MAMDC4: variants seen among roughly 807,000 people sequenced by gnomAD.
The protein encoded by MAMDC4 is apical endosomal glycoprotein.
Under a neutral mutation model 153.3 loss-of-function variants are expected in MAMDC4, and 168 were observed. That is an observed-to-expected ratio of 1.10 (90% confidence interval 0.97 to 1.25). The LOEUF (loss-of-function observed/expected upper bound fraction) is 1.25. MAMDC4 is among the 50% of genes most tolerant of loss of function. The pLI is 0.00. For synonymous variants in MAMDC4, 744 were observed against 651.5 expected (o/e 1.14, Z -2.16); for missense variants, 1,701 against 1,542.8 (o/e 1.10, Z -1.72).
At chr9:136,853,971 C>G in intron 5 of MAMDC4, 21 bp from the exon 6 acceptor site, 1 of 1,612,914 alleles carries the variant, frequency 6.2e-7, no homozygotes, top group Non-Finnish European at 8.5e-7. Context: ...GACTTAGGTC[C>G]TAAGAGCCTG....
At position 136,855,784 on chromosome 9, in the gene MAMDC4, G is replaced by C. The variant is rs111834903; in HGVS notation, c.1524G>C (p.Val508=). The change falls in exon 13 of 27, where the codon GTG becomes GTC. Residue 508 remains valine (V), a synonymous_variant. Coordinates refer to ENST00000317446, the MANE Select transcript of MAMDC4 (RefSeq NM_206920.3). ...CTGGGGGCTGGGAGGACGCCAGCGT[G>C]GGGCGGCTGCAGTGGCGGCGTGTCT... ...PEAGGWEDAS[V]GRLQWRRVSA... 1 of 1,558,972 alleles carries C rather than the reference G, an allele frequency of 6.4e-7. No homozygotes were observed. The highest frequency in any genetic ancestry group is 1.4e-5 in the African/African-American group (1 of 73,804).
Position 136,855,459 on chromosome 9 carries a change from T to C in MAMDC4, c.1311T>C (p.Pro437=), listed in dbSNP as rs769931305. 1 of 1,609,044 alleles carries C rather than the reference T, an allele frequency of 6.2e-7. No homozygotes were observed. The highest frequency in any genetic ancestry group is 8.5e-7 in the Non-Finnish European group (1 of 1,178,350). The change falls in exon 12 of 27, where the codon CCT becomes CCC. Residue 437 remains proline (P), a synonymous_variant. Coordinates refer to ENST00000317446, the MANE Select transcript of MAMDC4 (RefSeq NM_206920.3). ...TGTCCACCCTGCAGCCGCTGCCTCC[T>C]GGGCCCCGGGCCCCAGCCCCCCAGC... ...SEVSTLQPLP[P]GPRAPAPQPL... is the part of the protein sequence containing the mutation.
intron 16 of MAMDC4, 23 bp downstream of exon 16, chr9:136,857,064 C>A: frequency 1.2e-6 from 2 of 1,605,648 alleles, no homozygotes; most frequent in Non-Finnish European, 1.7e-6. Context: ...GGAAACAGGG[C>A]AGAGCCTGTG....
chr9:136,853,500 C>A (rs762417065), intron 3 of MAMDC4, 42 bp downstream of exon 3: 7 of 1,611,824 alleles, frequency 4.3e-6, no homozygotes, highest in Non-Finnish European at 5.9e-6. Flanking sequence ...GTCCCAATAC[C>A]CTCCTTGCTC....
At chr9:136,857,622 T>C in intron 18 of MAMDC4, 36 bp downstream of exon 18, 1 of 1,612,326 alleles carries the variant, frequency 6.2e-7, no homozygotes, top group Non-Finnish European at 8.5e-7. Context: ...ATTGAGGGGC[T>C]GGCCAGGGGC....
chr9:136,859,705 A>AG, intron 25 of MAMDC4, 181 bp from the exon 26 acceptor site: 1 of 638,592 alleles, frequency 1.6e-6, no homozygotes, highest in Non-Finnish European at 2.7e-6. Context: ...GTCTGCAGAC[A>AG]GCAGCTGCCT....
Position 136,858,000 on chromosome 9 carries a change from A to G in MAMDC4, c.2486A>G (p.Glu829Gly). Reference protein sequence around the residue: ...RSPGTLRVYLEERGRHQVLSL... With the variant: ...RSPGTLRVYLGERGRHQVLSL... The stretch of plus-strand genomic sequence containing the variant: ...GCAGGCACCCTGCGGGTCTACCTGG[A>G]GGAGCGCGGGAGGCACCAGGTGCTC... Residue 829 changes from glutamate (E) to glycine (G), a missense_variant, in exon 20 of 27, where the codon GAG (glutamate) becomes GGG (glycine). Glu to Gly is a moderately conservative substitution (Grantham distance 98). Coordinates refer to ENST00000317446, the MANE Select transcript of MAMDC4 (RefSeq NM_206920.3). The G allele has an allele frequency of 1.3e-6, 2 of 1,521,736 alleles. No homozygotes were observed. Among genetic ancestry groups the G allele is most frequent in the Non-Finnish European group, 1.8e-6 (2 of 1,138,640 alleles). 94.3% of individuals were successfully genotyped at this position (1,521,736 alleles called of 1,614,324 possible).
chr9:136,860,033 C>T lies in MAMDC4; in HGVS notation c.3341C>T (p.Ala1114Val), dbSNP rs1341654360. The T allele has an allele frequency of 1.2e-6, 2 of 1,602,776 alleles. No homozygotes were observed. Among genetic ancestry groups the T allele is most frequent in the African/African-American group, 1.3e-5 (1 of 74,778 alleles). ...CPFQSNTEAT[A>V]PGFDNILFNA... is the part of the protein sequence containing the mutation. ...TTCCAGAGCAACACAGAGGCCACAG[C>T]CCCTGGCTTTGACAACATCCTTTTC... The change falls in exon 26 of 27, where the codon GCC (alanine) becomes GTC (valine). Residue 1114 changes from alanine to valine, a missense_variant. Coordinates refer to ENST00000317446, the MANE Select transcript of MAMDC4 (RefSeq NM_206920.3).
rs1848953270 is a variant in MAMDC4, at chr9:136,853,279, T to A, written c.155-6T>A. Reference sequence around the variant, plus strand: ...CTGGCACACACCTGACCACCCACTCTCCCAGGTTACCACGGGGCCTCGCCC... The same window carrying A: ...CTGGCACACACCTGACCACCCACTCACCCAGGTTACCACGGGGCCTCGCCC... On this transcript the variant is annotated splice_region_variant and splice_polypyrimidine_tract_variant and intron_variant, in intron 2 of 26. Coordinates refer to ENST00000317446, the MANE Select transcript of MAMDC4 (RefSeq NM_206920.3). The A allele has an allele frequency of 1.2e-6, 2 of 1,604,782 alleles. No homozygotes were observed. The highest frequency in any genetic ancestry group is 4.5e-5 in the East Asian group (2 of 44,644).
rs140616288 is a variant in MAMDC4 at position 136,854,870 on chromosome 9, C to G, written c.1023+20C>G. 90 of 1,612,688 alleles carry G rather than the reference C, an allele frequency of 5.6e-5. No individual in the cohort carries two copies. The highest frequency in any genetic ancestry group is 2.0e-4 in the Admixed American group (12 of 60,032). Reference sequence around the variant, plus strand: ...TGCTCGGTGAGATGGGTGGGGCTCACAGGGCCTCCCTGCTCTCCGTGCTGG... The same window carrying G: ...TGCTCGGTGAGATGGGTGGGGCTCAGAGGGCCTCCCTGCTCTCCGTGCTGG... On this transcript the variant is annotated intron_variant, in intron 9 of 26. Coordinates refer to ENST00000317446, the MANE Select transcript of MAMDC4 (RefSeq NM_206920.3).
chr9:136,857,006 T>TACCACCAG lies in MAMDC4; in HGVS notation c.1937_1938insACCACCAG (p.Ser647ProfsTer19). The stretch of plus-strand genomic sequence containing the variant: ...GTGCCAGCAGCACCCACGGAGTGTC[T>TACCACCAG]CAGCTTCTGGTACCACCTCCATGGG... On this transcript the variant is annotated frameshift_variant, in exon 16 of 27. Coordinates refer to ENST00000317446, the MANE Select transcript of MAMDC4 (RefSeq NM_206920.3). LOFTEE classifies it high-confidence loss of function. 6.2e-7 allele frequency: 1 copy of TACCACCAG among 1,612,328 alleles called. No homozygotes were observed. Among genetic ancestry groups the TACCACCAG allele is most frequent in the South Asian group, 1.1e-5 (1 of 91,030 alleles).
At position 136,858,479 on chromosome 9, in the gene MAMDC4, G is replaced by C; in HGVS notation, c.2754G>C (p.Trp918Cys). 1 of 1,608,970 alleles carries C rather than the reference G, an allele frequency of 6.2e-7. No individual in the cohort carries two copies. Among genetic ancestry groups the C allele is most frequent in the Non-Finnish European group, 8.5e-7 (1 of 1,179,320 alleles). The change falls in exon 22 of 27, where the codon TGG becomes TGC. Residue 918 changes from tryptophan (W) to cysteine (C), a missense_variant. Transcript: ENST00000317446. Reference protein sequence around the residue: ...WPGLGGYSWDWGGGATPSRYP... With the variant: ...WPGLGGYSWDCGGGATPSRYP... ...GCCTGGGCGGATACAGCTGGGACTGGGGCGGGGGAGCCACCCCCTCTCGTT... is the reference window on the plus strand; with the variant it reads ...GCCTGGGCGGATACAGCTGGGACTGCGGCGGGGGAGCCACCCCCTCTCGTT...
chr9:136,853,784 T>G lies in MAMDC4; in HGVS notation c.462T>G (p.Ala154=). The G allele has an allele frequency of 6.2e-7, 1 of 1,609,968 alleles. No homozygotes were observed. Among genetic ancestry groups the G allele is most frequent in the Non-Finnish European group, 8.5e-7 (1 of 1,178,388 alleles). The change falls in exon 5 of 27, where the codon GCT becomes GCG. Residue 154 remains alanine, a synonymous_variant. Transcript: ENST00000317446. ...GGACCCCTGACATTGCAGATGTGGC[T>G]GAACTGCGGGTGGAGCTGACCCATG... ...LWYHAASGDV[A]ELRVELTHGA...
chr9:136,852,655 G>A lies in MAMDC4; in HGVS notation c.46+193G>A, dbSNP rs144964443. On this transcript the variant is annotated intron_variant, in intron 1 of 26. Transcript: ENST00000317446. ...CCCATGGGGTCCTCGGGCCTGCCAA[G>A]CAAAGGAAGAGGCACGACTCCCCTC... 3.3e-4 allele frequency among the ~76,000 whole-genome samples: 51 copies of A among 152,328 alleles called. 1 individual carries two copies. In the East Asian group the frequency reaches 8.7e-3, roughly 26 times the overall value.
At chr9:136,854,156 C>T (rs1436405549) in intron 6 of MAMDC4, 55 bp from the exon 7 acceptor site, 28 of 1,610,860 alleles carry the variant, frequency 1.7e-5, no homozygotes, top group Admixed American at 1.0e-4. Context: ...TGTCTGCCCC[C>T]GAGTGCTCTC....
chr9:136,860,017 AAC>A lies in MAMDC4; in HGVS notation c.3329_3330del (p.Thr1110ArgfsTer8), dbSNP rs1272351352. 3.7e-6 allele frequency: 6 copies of A among 1,609,558 alleles called. No individual in the cohort carries two copies. Among genetic ancestry groups the A allele is most frequent in the African/African-American group, 1.3e-5 (1 of 74,888 alleles). ...QKKGSCPFQS[N>X]TEATAPGFDN... is the part of the protein sequence containing the mutation. ...GAAGGGGAGCTGCCCCTTCCAGAGC[AAC>A]ACAGAGGCCACAGCCCCTGGCTTTG... On this transcript the variant is annotated frameshift_variant, in exon 26 of 27. Transcript: ENST00000317446. LOFTEE classifies it low-confidence loss of function (END_TRUNC).
chr9:136,853,547 T>C lies in MAMDC4; in HGVS notation c.331T>C (p.Trp111Arg). The change falls in exon 4 of 27, where the codon TGG becomes CGG. Residue 111 changes from tryptophan to arginine, a missense_variant and splice_region_variant. Coordinates refer to ENST00000317446, the MANE Select transcript of MAMDC4 (RefSeq NM_206920.3). Reference protein sequence around the residue: ...SDHTLGTDLGWYMAVGTHRGK... With the variant: ...SDHTLGTDLGRYMAVGTHRGK... ...TCCTGACCTCTCACCTGCGCCAGGC[T>C]GGTACATGGCCGTTGGAACCCACCG... 1 of 1,612,692 alleles carries C rather than the reference T, an allele frequency of 6.2e-7. No individual in the cohort carries two copies. Among genetic ancestry groups the C allele is most frequent in the Non-Finnish European group, 8.5e-7 (1 of 1,179,956 alleles).
rs774225965 is a variant in MAMDC4 at position 136,858,749 on chromosome 9, T to G, written c.2852T>G (p.Leu951Arg). 4.3e-6 allele frequency: 7 copies of G among 1,611,654 alleles called. No homozygotes were observed. Among genetic ancestry groups the G allele is most frequent in the Non-Finnish European group, 5.9e-6 (7 of 1,179,572 alleles). Residue 951 changes from leucine to arginine, a missense_variant, in exon 23 of 27, where the codon CTG (leucine) becomes CGG (arginine). Leu to Arg is a moderately radical substitution (Grantham distance 102, BLOSUM62 -2). Transcript: ENST00000317446. The stretch of plus-strand genomic sequence containing the variant: ...TTTGCCTTCTTTGAAACTGGCGTGC[T>G]GGGCCCCGGGGGCCGGGCCGCCTGG... Reference protein sequence around the residue: ...GHFAFFETGVLGPGGRAAWLR... With the variant: ...GHFAFFETGVRGPGGRAAWLR...
At position 136,852,353 on chromosome 9, in the gene MAMDC4, G is replaced by GC; in HGVS notation, c.-63dup. The GC allele has an allele frequency of 1.9e-6, 3 of 1,586,748 alleles. No homozygotes were observed. The highest frequency in any genetic ancestry group is 2.6e-6 in the Non-Finnish European group (3 of 1,165,458). On this transcript the variant is annotated 5_prime_UTR_variant, in exon 1 of 27. Transcript: ENST00000317446. ...GAGTCAGCGTGCGGGGCCAGCGCAG[G>GC]CTGATAACCGCACGGAACTTCCCAG...
Sources: allele counts gnomAD v4.1 joint callset (sites outside exome capture counted in the v4.1 genomes callset), GRCh38; gene constraint gnomAD v4.1.1; transcripts MANE v1.5; gene names NCBI Gene and HGNC (gene_info 2026-07-23, HGNC 2026-07-21).